TCF4: variants seen among roughly 807,000 people sequenced by gnomAD.
TCF4 encodes transcription factor 4.
TCF4 carries 3 observed loss-of-function variants against 82.1 expected under a neutral mutation model. That is an observed-to-expected ratio of 0.04 (90% CI 0.02 to 0.09). The LOEUF (loss-of-function observed/expected upper bound fraction) is 0.09. Among genes scored for constraint, TCF4 ranks in the 10% least tolerant of loss-of-function variants. The pLI, the probability that TCF4 is intolerant of heterozygous loss-of-function variation, is 1.00. For synonymous variants in TCF4, 276 were observed against 309.6 expected, an observed-to-expected ratio of 0.89 and a Z score of 1.14; for missense variants, 518 against 852.7, an observed-to-expected ratio of 0.61 and a Z score of 4.89.
At chr18:55,267,238 CTGTT>C (rs1462052795) in intron 11 of TCF4, 4 of 152,134 alleles carry the variant, frequency 2.6e-5, no homozygotes, top group African/African-American at 4.8e-5. Context: ...TTAATTAGCT[CTGTT>C]TGTTCTTTGA....
intron 13 of TCF4, 121 bp from the exon 14 acceptor site, chr18:55,257,512 G>A (rs1457395574): frequency 5.6e-6 from 5 of 891,828 alleles, no homozygotes; most frequent in Non-Finnish European, 9.2e-6. Flanking sequence ...AAACAACAAC[G>A]TAAATACATG....
In TCF4 at chr18:55,234,566, G is replaced by T. The variant is rs375511149; in HGVS notation, c.1468C>A (p.Pro490Thr). The T allele has an allele frequency of 6.2e-7, 1 of 1,614,168 alleles. No homozygotes were observed. Residue 490 changes from proline (P) to threonine (T), a missense_variant, in exon 16 of 20, where the codon CCC becomes ACC. Transcript: ENST00000354452. ...QSATSPDLNPPQDPYRGMPPG... is the reference protein window; with the variant it reads ...QSATSPDLNPTQDPYRGMPPG... ...AACCTACCTCTGTAAGGGTCCTGGGGTGGGTTCAGGTCAGGGGAAGTCGCA... is the reference window on the plus strand; with the variant it reads ...AACCTACCTCTGTAAGGGTCCTGGGTTGGGTTCAGGTCAGGGGAAGTCGCA...
At chr18:55,382,330 TAA>T (rs1053509264) in intron 6 of TCF4, among the ~76,000 whole-genome samples, 3 of 144,772 alleles carry the variant, frequency 2.1e-5, no homozygotes, top group African/African-American at 2.5e-5. Flanking sequence ...CTTTCTCAGT[TAA>T]AAAAAAAAAA....
At chr18:55,254,976 CT>C (rs1045433700) in intron 14 of TCF4, among the ~76,000 whole-genome samples, 11 of 151,998 alleles carry the variant, frequency 7.2e-5, no homozygotes, top group African/African-American at 2.4e-4. Context: ...ACGGTACTGC[CT>C]TTTGAAAGGC....
At chr18:55,458,078 A>T (rs929984227) in intron 5 of TCF4, among the ~76,000 whole-genome samples, 1 of 152,186 alleles carries the variant, frequency 6.6e-6, no homozygotes, top group Non-Finnish European at 1.5e-5. Flanking sequence ...GGAAAAAAAA[A>T]AATCAGGTCA....
At chr18:55,559,556 C>A (rs1277514021) in intron 3 of TCF4, among the ~76,000 whole-genome samples, 2 of 151,514 alleles carry the variant, frequency 1.3e-5, no homozygotes, top group Non-Finnish European at 2.9e-5. Context: ...TTAACATTGG[C>A]TTCTGAATAT....
At chr18:55,410,391 G>A (rs920616365) in intron 5 of TCF4, among the ~76,000 whole-genome samples, 1 of 151,950 alleles carries the variant, frequency 6.6e-6, no homozygotes, top group Non-Finnish European at 1.5e-5. Flanking sequence ...GCCACCAAAA[G>A]TCTTCACTTC....
chr18:55,276,441 T>G (rs1258594899), intron 9 of TCF4, among the ~76,000 whole-genome samples: 1 of 152,180 alleles, frequency 6.6e-6, no homozygotes, highest in East Asian at 1.9e-4. Flanking sequence ...TCTCTGGATT[T>G]TATAAAACGA....
chr18:55,569,820 AT>A (rs1302860309), intron 3 of TCF4, among the ~76,000 whole-genome samples: 1 of 152,154 alleles, frequency 6.6e-6, no homozygotes, highest in Non-Finnish European at 1.5e-5. Flanking sequence ...ATGCATAATA[AT>A]TCTCCCAAAA....
intron 8 of TCF4, among the ~76,000 whole-genome samples, chr18:55,306,994 A>G (rs1201609002): frequency 1.3e-5 from 2 of 152,222 alleles, no homozygotes. Context: ...TAGGAACCAC[A>G]AGCTATGACA....
chr18:55,511,158 T>C (rs2096824025), intron 3 of TCF4, among the ~76,000 whole-genome samples: 1 of 152,088 alleles, frequency 6.6e-6, no homozygotes, highest in Admixed American at 6.5e-5. Context: ...ATAACACATA[T>C]ACTTTTAATA....
At chr18:55,231,991 C>G (rs1428593987) in intron 17 of TCF4, 1 of 152,604 alleles carries the variant, frequency 6.6e-6, no homozygotes, top group Non-Finnish European at 1.5e-5. Flanking sequence ...AAGCTATTTT[C>G]CTGCAGTTGT....
intron 8 of TCF4, among the ~76,000 whole-genome samples, chr18:55,300,723 G>A (rs1448616061): frequency 6.6e-6 from 1 of 151,996 alleles, no homozygotes; most frequent in Non-Finnish European, 1.5e-5. Context: ...CACTCTCGCG[G>A]CACCCTCCTC....
chr18:55,234,969 T>TTA (rs1275228581), intron 15 of TCF4, among the ~76,000 whole-genome samples: 1 of 152,142 alleles, frequency 6.6e-6, no homozygotes, highest in Admixed American at 6.5e-5. Flanking sequence ...AGCGCACTGA[T>TTA]TCGTACCCAT....
At chr18:55,507,208 T>G (rs1001500597) in intron 3 of TCF4, among the ~76,000 whole-genome samples, 1 of 152,180 alleles carries the variant, frequency 6.6e-6, no homozygotes, top group Non-Finnish European at 1.5e-5. Flanking sequence ...TAGGATGCAC[T>G]TCATGGCTTT....
At chr18:55,245,790 C>G (rs1481007462) in intron 15 of TCF4, among the ~76,000 whole-genome samples, 1 of 151,062 alleles carries the variant, frequency 6.6e-6, no homozygotes, top group Non-Finnish European at 1.5e-5. Context: ...GTCTGAATTG[C>G]TCCTTAGGTC....
At chr18:55,512,158 G>A (rs1049017699) in intron 3 of TCF4, among the ~76,000 whole-genome samples, 5 of 152,088 alleles carry the variant, frequency 3.3e-5, no homozygotes, top group African/African-American at 1.2e-4. Flanking sequence ...GATACATAAA[G>A]AGCCTTTCAC....
At chr18:55,616,836 T>G (rs1301168211) in intron 2 of TCF4, among the ~76,000 whole-genome samples, 2 of 152,134 alleles carry the variant, frequency 1.3e-5, no homozygotes, top group African/African-American at 4.8e-5. Flanking sequence ...ACTTTTTATA[T>G]TAACCTTCTA....
Position 55,232,571 on chromosome 18 carries a change from C to T in TCF4, c.1587G>A (p.Ser529=), listed in dbSNP as rs567457339. 1.2e-5 allele frequency: 19 copies of T among 1,614,132 alleles called. No individual in the cohort carries two copies. The highest frequency in any genetic ancestry group is 5.3e-5 in the African/African-American group (4 of 75,026). ...TGTCGTCATCTAATTTCTTGTCCTC[C>T]GAAGATTTCGTGTCTTGCAGGTTCT... ...GDENLQDTKS[S]EDKKLDDDKK... Residue 529 remains serine, a synonymous_variant, in exon 17 of 20, where the codon TCG becomes TCA. Transcript: ENST00000354452.
Sources: allele counts gnomAD v4.1 joint callset (sites outside exome capture counted in the v4.1 genomes callset), GRCh38; gene constraint gnomAD v4.1.1; transcripts MANE v1.5; gene names NCBI Gene and HGNC (gene_info 2026-07-23, HGNC 2026-07-21).